Variants in FCER2 observed in about 807,000 individuals in gnomAD.
FCER2 encodes the protein Fc epsilon receptor II, also known as low affinity immunoglobulin epsilon Fc receptor.
A neutral mutation model predicts 49.7 loss-of-function variants in FCER2; 38 were observed. That is an observed-to-expected ratio of 0.76 (90% CI 0.59 to 1.00). FCER2 has a LOEUF of 1.00. FCER2 is among the 50% of genes least tolerant of loss of function. The pLI, the probability that FCER2 is intolerant of heterozygous loss-of-function variation, is 0.00. For synonymous variants in FCER2, 163 were observed against 164.6 expected, an observed-to-expected ratio of 0.99 and a Z score of 0.07; for missense variants, 425 against 419.5, an observed-to-expected ratio of 1.01 and a Z score of -0.11.
Position 7,689,275 on chromosome 19 carries a change from C to G in FCER2, c.884G>C (p.Gly295Ala), listed in dbSNP as rs772125519. The G allele has an allele frequency of 6.2e-7, 1 of 1,613,802 alleles. No individual in the cohort carries two copies. The change falls in exon 11 of 11, where the codon GGT becomes GCT. Residue 295 changes from glycine (G) to alanine (A), a missense_variant. Transcript: ENST00000597921. ...LATCTPPASE[G>A]SAESMGPDSR... ...ATCAGGTCCCATGGACTCCGCGGAA[C>G]CTTCGCTGGCTGGCGGCGTGCATGT...
chr19:7,699,160 C>T (rs942079930), intron 2 of FCER2, among the ~76,000 whole-genome samples: 10 of 152,008 alleles, frequency 6.6e-5, no homozygotes, highest in Non-Finnish European at 1.0e-4. Flanking sequence ...CCCCTCTGAG[C>T]CCCAACGCCC....
Position 7,702,035 on chromosome 19 carries a change from C to G in FCER2, c.-106G>C, listed in dbSNP as rs993060001. 6.6e-6 allele frequency: 1 copy of G among 152,106 alleles called. No individual in the cohort carries two copies. The highest frequency in any genetic ancestry group is 1.9e-4 in the East Asian group (1 of 5,190). The allele number at this position is 152,106 out of a possible 1,614,324, so 9.4% of individuals were successfully genotyped here. A position where few individuals can be genotyped will look rare whatever the true frequency, so the allele number is the denominator to read the frequency against. On this transcript the variant is annotated 5_prime_UTR_variant, in exon 1 of 11. Coordinates refer to ENST00000597921, the MANE Select transcript of FCER2 (RefSeq NM_001220500.2). ...CGTACTCACTTAGTGGAGTTTGGAG[C>G]CTGTGTCTGTCCTCCTAGTGTGTTG... is the stretch of plus-strand genomic sequence containing the variant.
At chr19:7,696,757 C>G in intron 8 of FCER2, 68 bp downstream of exon 8, 2 of 1,175,852 alleles carry the variant, frequency 1.7e-6, no homozygotes, top group Non-Finnish European at 1.2e-6. Flanking sequence ...CGTGCCGTCA[C>G]ATTTGCCAAC....
intron 2 of FCER2, 71 bp from the exon 3 acceptor site, chr19:7,698,925 T>C: frequency 6.7e-7 from 1 of 1,491,974 alleles, no homozygotes; most frequent in East Asian, 2.5e-5. Context: ...GTCTCTCCAT[T>C]ACCCAGAGCC....
chr19:7,697,567 C>G lies in FCER2; in HGVS notation c.213G>C (p.Leu71Phe). ...CCATCTGGTCACCGTGGTGGCTTTCCAAGTTCTTGGAAACTTGAGAGACTG... is the reference window on the plus strand; with the variant it reads ...CCATCTGGTCACCGTGGTGGCTTTCGAAGTTCTTGGAAACTTGAGAGACTG... Reference protein sequence around the residue: ...ARNVSQVSKNLESHHGDQMAQ... With the variant: ...ARNVSQVSKNFESHHGDQMAQ... Residue 71 changes from leucine to phenylalanine, a missense_variant, in exon 5 of 11, where the codon TTG becomes TTC. Leu to Phe is a conservative substitution (Grantham distance 22). Coordinates refer to ENST00000597921, the MANE Select transcript of FCER2 (RefSeq NM_001220500.2). 12 of 1,614,062 alleles carry G rather than the reference C, an allele frequency of 7.4e-6. No individual in the cohort carries two copies. Among genetic ancestry groups the G allele is most frequent in the Non-Finnish European group, 1.0e-5 (12 of 1,179,996 alleles).
At position 7,697,453 on chromosome 19, in the gene FCER2, T is replaced by C; in HGVS notation, c.253+74A>G. 5.3e-6 allele frequency: 8 copies of C among 1,499,972 alleles called. No individual in the cohort carries two copies. The South Asian group carries it at 9.0e-5, about 17-fold the overall frequency. The allele number at this position is 1,499,972 out of a possible 1,614,324, so 92.9% of individuals were successfully genotyped here. A position where few individuals can be genotyped will look rare whatever the true frequency, so the allele number is the denominator to read the frequency against. On this transcript the variant is annotated intron_variant, in intron 5 of 10. Transcript: ENST00000597921. ...GGGGGTGGGGCACAGTGAGTCTTAA[T>C]GCTCTGGGTCCAGGAAGTCATCCAA...
At chr19:7,698,131 G>A (rs565099739) in intron 4 of FCER2, among the ~76,000 whole-genome samples, 13 of 152,290 alleles carry the variant, frequency 8.5e-5, no homozygotes, top group African/African-American at 2.9e-4. Flanking sequence ...CGTACTTTGC[G>A]CTTATGGGGA....
At chr19:7,689,881 G>A (rs1200632386) in intron 10 of FCER2, among the ~76,000 whole-genome samples, 2 of 151,998 alleles carry the variant, frequency 1.3e-5, no homozygotes, top group East Asian at 1.9e-4. Context: ...CTCCTACAGC[G>A]CTGGGATGAC....
Position 7,698,818 on chromosome 19 carries a change from C to T in FCER2, c.59G>A (p.Arg20His), listed in dbSNP as rs770161837. ...CCCCAGCAGCACGATCTGAGTCCCA[C>T]GCCTGCAACACCGCCTCCTGGGAAG... Reference protein sequence around the residue: ...EELPRRRCCRRGTQIVLLGLV... With the variant: ...EELPRRRCCRHGTQIVLLGLV... Residue 20 changes from arginine (R) to histidine (H), a missense_variant, in exon 3 of 11, where the codon CGT becomes CAT. Physicochemically the swap from Arg to His is conservative, Grantham distance 29. Coordinates refer to ENST00000597921, the MANE Select transcript of FCER2 (RefSeq NM_001220500.2). 122 of 1,610,752 alleles carry T rather than the reference C, an allele frequency of 7.6e-5. 1 individual carries two copies. In the South Asian group the frequency reaches 1.1e-3, roughly 14 times the overall value.
chr19:7,700,662 G>A (rs1227836291), intron 1 of FCER2, among the ~76,000 whole-genome samples: 3 of 146,608 alleles, frequency 2.0e-5, no homozygotes, highest in Non-Finnish European at 4.5e-5. Flanking sequence ...CTATAGGCAC[G>A]TGCCACCATG....
chr19:7,689,126 CAA>C lies in FCER2; in HGVS notation c.*65_*66del. The C allele has an allele frequency of 8.7e-7, 1 of 1,147,940 alleles. No individual in the cohort carries two copies. The highest frequency in any genetic ancestry group is 1.3e-5 in the South Asian group (1 of 75,036). The allele number at this position is 1,147,940 out of a possible 1,614,324, so 71.1% of individuals were successfully genotyped here. The stretch of plus-strand genomic sequence containing the variant: ...AAATGTCACAGGGACCTTTCAGCCA[CAA>C]AGAGGCTTTTAGGCCGTGGTTGGGG... On this transcript the variant is annotated 3_prime_UTR_variant, in exon 11 of 11. Transcript: ENST00000597921.
intron 10 of FCER2, 46 bp from the exon 11 acceptor site, chr19:7,689,476 G>A (rs1375175425): frequency 7.8e-7 from 1 of 1,288,594 alleles, no homozygotes; most frequent in Admixed American, 2.1e-5. Context: ...GGGAGAAGGA[G>A]CCCAGTTCCC....
rs1489760197 is a variant in FCER2 at position 7,689,149 on chromosome 19, T to G, written c.*44A>C. 1 of 1,368,778 alleles carries G rather than the reference T, an allele frequency of 7.3e-7. No individual in the cohort carries two copies. Among genetic ancestry groups the G allele is most frequent in the Non-Finnish European group, 1.0e-6 (1 of 964,008 alleles). The allele number at this position is 1,368,778 out of a possible 1,614,324, so 84.8% of individuals were successfully genotyped here. On this transcript the variant is annotated 3_prime_UTR_variant, in exon 11 of 11. Coordinates refer to ENST00000597921, the MANE Select transcript of FCER2 (RefSeq NM_001220500.2). ...CACAAAGAGGCTTTTAGGCCGTGGTTGGGGGTCTTCAGGGTCTTGCTCTGG... is the reference window on the plus strand; with the variant it reads ...CACAAAGAGGCTTTTAGGCCGTGGTGGGGGGTCTTCAGGGTCTTGCTCTGG...
At chr19:7,694,936 G>T (rs574565078) in intron 8 of FCER2, among the ~76,000 whole-genome samples, 1 of 152,208 alleles carries the variant, frequency 6.6e-6, no homozygotes, top group East Asian at 1.9e-4. Flanking sequence ...CTGGGCTCAG[G>T]TGATCCTCCC....
intron 2 of FCER2, 74 bp downstream of exon 2, chr19:7,699,665 C>T: frequency 7.3e-7 from 1 of 1,366,604 alleles, no homozygotes; most frequent in Non-Finnish European, 1.0e-6. Flanking sequence ...GGGAGCCCCG[C>T]TTCTCTTCTG....
chr19:7,690,333 G>A, intron 9 of FCER2, 68 bp from the exon 10 acceptor site: 1 of 1,604,520 alleles, frequency 6.2e-7, no homozygotes, highest in Non-Finnish European at 8.5e-7. Flanking sequence ...ACTTCGAGAG[G>A]TTGGGTAGAG....
chr19:7,700,651 A>T (rs1406837652), intron 1 of FCER2, among the ~76,000 whole-genome samples: 12 of 151,372 alleles, frequency 7.9e-5, no homozygotes, highest in Non-Finnish European at 1.6e-4. Flanking sequence ...AGTAGCTGGG[A>T]CTATAGGCAC....
At chr19:7,698,545 G>T in intron 3 of FCER2, 136 bp from the exon 4 acceptor site, 1 of 882,576 alleles carries the variant, frequency 1.1e-6, no homozygotes, top group Non-Finnish European at 1.8e-6. Flanking sequence ...GGACAGGGAT[G>T]CTGGGTGTGG....
Position 7,698,840 on chromosome 19 carries a change from G to A in FCER2, c.37C>T (p.Pro13Ser). 6.2e-7 allele frequency: 1 copy of A among 1,601,590 alleles called. No individual in the cohort carries two copies. The highest frequency in any genetic ancestry group is 1.1e-5 in the South Asian group (1 of 88,926). The change falls in exon 3 of 11, where the codon CCC becomes TCC. Residue 13 changes from proline to serine, a missense_variant. Pro to Ser is a moderately conservative substitution (Grantham distance 74). Coordinates refer to ENST00000597921, the MANE Select transcript of FCER2 (RefSeq NM_001220500.2). ...CCACGCCTGCAACACCGCCTCCTGG[G>A]AAGCTCCTCGATCTCTGCCGGGGGT... is the stretch of plus-strand genomic sequence containing the variant. The part of the protein sequence containing the change: ...EGQYSEIEEL[P>S]RRRCCRRGTQ...
Sources: allele counts gnomAD v4.1 joint callset (sites outside exome capture counted in the v4.1 genomes callset), GRCh38; gene constraint gnomAD v4.1.1; transcripts MANE v1.5; gene names NCBI Gene and HGNC (gene_info 2026-07-23, HGNC 2026-07-21).